Variants in CFAP299 observed in about 807,000 individuals in gnomAD.
CFAP299 encodes cilia- and flagella-associated protein 299.
A neutral mutation model predicts 27.0 loss-of-function variants in CFAP299; 21 were observed. The ratio of observed to expected loss-of-function variants is 0.78; its 90% confidence interval spans 0.55 to 1.12. The LOEUF (loss-of-function observed/expected upper bound fraction) is 1.12, where lower values mean the gene tolerates loss of function less well. Ranked by LOEUF, CFAP299 falls within the 50% of genes most tolerant of loss-of-function variation. The probability of loss-of-function intolerance (pLI) is 0.00; values close to 1 mark genes in which losing one functional copy is unlikely to be tolerated. For synonymous variants in CFAP299, 104 were observed against 98.1 expected (o/e 1.06, Z -0.36); for missense variants, 310 against 276.6 (o/e 1.12, Z -0.86).
chr4:80,462,890 A>G (rs1387863762), intron 2 of CFAP299, among the ~76,000 whole-genome samples: 1 of 152,166 alleles, frequency 6.6e-6, no homozygotes, highest in Non-Finnish European at 1.5e-5. Context: ...GGGATTTTTA[A>G]AAAAAATCAT....
chr4:80,722,773 G>A (rs990324051), intron 3 of CFAP299, among the ~76,000 whole-genome samples: 3 of 151,920 alleles, frequency 2.0e-5, no homozygotes, highest in East Asian at 1.9e-4. Context: ...GGTAGCGGGC[G>A]CCTGTAGTCC....
chr4:80,794,453 T>C (rs1727740452), intron 3 of CFAP299, among the ~76,000 whole-genome samples: 1 of 152,190 alleles, frequency 6.6e-6, no homozygotes, highest in Non-Finnish European at 1.5e-5. Context: ...TATTGGACTC[T>C]GATTCACGGG....
chr4:80,400,130 T>C (rs1726060680), intron 2 of CFAP299, among the ~76,000 whole-genome samples: 1 of 152,230 alleles, frequency 6.6e-6, no homozygotes, highest in Non-Finnish European at 1.5e-5. Context: ...TTGATATAGA[T>C]GCAATTAGAT....
chr4:80,864,507 T>A (rs1431565042), intron 3 of CFAP299, among the ~76,000 whole-genome samples: 4 of 147,518 alleles, frequency 2.7e-5, no homozygotes, highest in Non-Finnish European at 4.5e-5. Flanking sequence ...TATACATATA[T>A]ACCTATATAT....
chr4:80,673,714 A>G (rs536475936), intron 3 of CFAP299, among the ~76,000 whole-genome samples: 5 of 152,118 alleles, frequency 3.3e-5, no homozygotes, highest in Non-Finnish European at 7.4e-5. Flanking sequence ...TTGGGTGCAT[A>G]TATGTTTAGG....
At chr4:80,664,286 C>T (rs1035754603) in intron 3 of CFAP299, among the ~76,000 whole-genome samples, 1 of 152,140 alleles carries the variant, frequency 6.6e-6, no homozygotes, top group African/African-American at 2.4e-5. Flanking sequence ...AGATCCATTG[C>T]TCTCTTCAGA....
At chr4:80,405,479 G>A (rs1258253731) in intron 2 of CFAP299, among the ~76,000 whole-genome samples, 1 of 151,786 alleles carries the variant, frequency 6.6e-6, no homozygotes, top group African/African-American at 2.4e-5. Context: ...AACTTTTGAG[G>A]TCACTCAAAT....
chr4:80,572,973 T>C (rs959614753), intron 2 of CFAP299, among the ~76,000 whole-genome samples: 5 of 152,100 alleles, frequency 3.3e-5, no homozygotes, highest in Non-Finnish European at 5.9e-5. Context: ...ATACTTCGTT[T>C]TGGGTATAGG....
intron 4 of CFAP299, among the ~76,000 whole-genome samples, chr4:80,940,799 A>G (rs773513137): frequency 6.6e-6 from 1 of 152,160 alleles, no homozygotes; most frequent in Admixed American, 6.6e-5. Context: ...TATATATACA[A>G]ATTACTCAGT....
intron 3 of CFAP299, among the ~76,000 whole-genome samples, chr4:80,847,545 T>C (rs1442125150): frequency 1.3e-5 from 2 of 152,232 alleles, no homozygotes; most frequent in African/African-American, 4.8e-5. Flanking sequence ...TATTAGTTCC[T>C]GTGTAAACAA....
intron 4 of CFAP299, among the ~76,000 whole-genome samples, chr4:80,896,080 C>A (rs1372768961): frequency 6.6e-6 from 1 of 151,946 alleles, no homozygotes; most frequent in Non-Finnish European, 1.5e-5. Flanking sequence ...TTTAATGTTA[C>A]AAATATTAAA....
chr4:80,934,361 G>A (rs1736778563), intron 4 of CFAP299, among the ~76,000 whole-genome samples: 1 of 151,928 alleles, frequency 6.6e-6, no homozygotes, highest in Non-Finnish European at 1.5e-5. Context: ...CAGGGTTATT[G>A]GTCTATAATT....
intron 2 of CFAP299, among the ~76,000 whole-genome samples, chr4:80,567,528 C>T (rs1030584470): frequency 2.0e-5 from 3 of 151,320 alleles, no homozygotes; most frequent in Admixed American, 6.6e-5. Context: ...GAATAGTTTA[C>T]GAAAAAAAGG....
intron 3 of CFAP299, among the ~76,000 whole-genome samples, chr4:80,657,502 T>A (rs1461993433): frequency 1.3e-5 from 2 of 152,100 alleles, no homozygotes; most frequent in Non-Finnish European, 2.9e-5. Context: ...CCCCATTGCT[T>A]TTTTTTGTCA....
intron 4 of CFAP299, chr4:80,871,867 T>C (rs978707233): frequency 1.1e-4 from 17 of 156,646 alleles, no homozygotes; most frequent in African/African-American, 1.4e-4. Context: ...TAACATTTAA[T>C]TGACTGTCTA....
intron 4 of CFAP299, among the ~76,000 whole-genome samples, chr4:80,942,218 G>C: frequency 6.6e-6 from 1 of 152,286 alleles, no homozygotes; most frequent in East Asian, 1.9e-4. Flanking sequence ...ATTTTGATCA[G>C]CAGTCATATA....
intron 2 of CFAP299, among the ~76,000 whole-genome samples, chr4:80,443,102 G>C (rs1728443804): frequency 1.3e-5 from 2 of 152,158 alleles, no homozygotes; most frequent in Non-Finnish European, 2.9e-5. Context: ...AATTCTCCCA[G>C]GGGTACAAAG....
At chr4:80,707,224 A>G (rs970650494) in intron 3 of CFAP299, among the ~76,000 whole-genome samples, 4 of 151,978 alleles carry the variant, frequency 2.6e-5, no homozygotes, top group African/African-American at 7.2e-5. Context: ...CTGTGGGCCA[A>G]ATCTCTTTCT....
At chr4:80,576,875 A>T (rs1735892008) in intron 2 of CFAP299, among the ~76,000 whole-genome samples, 1 of 152,230 alleles carries the variant, frequency 6.6e-6, no homozygotes, top group Admixed American at 6.5e-5. Context: ...TAAAAAAATT[A>T]AATCTACCTT....
Sources: gnomAD v4.1 joint callset for allele counts (sites outside exome capture counted in the v4.1 genomes callset) on GRCh38, gnomAD v4.1.1 for gene constraint, MANE v1.5 for transcripts, NCBI Gene and HGNC (gene_info 2026-07-23, HGNC 2026-07-21) for gene names.